The following CHST8 variants were observed in gnomAD, a reference collection of about 807,000 sequenced individuals.
CHST8 encodes the protein carbohydrate sulfotransferase 8.
A neutral mutation model predicts 15.0 loss-of-function variants in CHST8; 10 were observed. That is an observed-to-expected ratio of 0.67 (90% CI 0.41 to 1.13). The LOEUF is 1.13. Among genes scored for constraint, CHST8 ranks in the 50% most tolerant of loss-of-function variants. The pLI is 0.00. For synonymous variants in CHST8, 259 were observed against 256.6 expected, an observed-to-expected ratio of 1.01 and a Z score of -0.09; for missense variants, 634 against 608.2, an observed-to-expected ratio of 1.04 and a Z score of -0.45.
At chr19:33,688,991 A>G (rs1973041440) in intron 2 of CHST8, among the ~76,000 whole-genome samples, 185 bp from the exon 3 acceptor site, 1 of 152,162 alleles carries the variant, frequency 6.6e-6, no homozygotes, top group South Asian at 2.1e-4. Flanking sequence ...CTAGCATTCC[A>G]GCCACAGGTG....
chr19:33,674,862 T>G (rs1468349870), intron 2 of CHST8, among the ~76,000 whole-genome samples: 1 of 152,170 alleles, frequency 6.6e-6, no homozygotes, highest in Non-Finnish European at 1.5e-5. Context: ...AGGGTCATTC[T>G]CCCGTTGGCC....
intron 2 of CHST8, among the ~76,000 whole-genome samples, chr19:33,683,002 G>A (rs781564064): frequency 6.6e-5 from 10 of 152,310 alleles, no homozygotes; most frequent in South Asian, 2.1e-4. Context: ...GGAGGAGGCC[G>A]GTCACATGGC....
chr19:33,689,420 A>G, intron 3 of CHST8, 29 bp downstream of exon 3: 1 of 1,534,734 alleles, frequency 6.5e-7, no homozygotes, highest in South Asian at 1.2e-5. Context: ...TCCTGCCATC[A>G]CTGCCCCCAG....
At chr19:33,754,168 C>T (rs191774999) in intron 3 of CHST8, among the ~76,000 whole-genome samples, 13 of 145,420 alleles carry the variant, frequency 8.9e-5, no homozygotes, top group Non-Finnish European at 9.0e-5. Context: ...GTGCATCTCC[C>T]CATCATCAGT....
At chr19:33,711,970 A>T (rs1386583680) in intron 3 of CHST8, among the ~76,000 whole-genome samples, 2 of 152,230 alleles carry the variant, frequency 1.3e-5, no homozygotes, top group African/African-American at 4.8e-5. Flanking sequence ...TAATTTTGCC[A>T]GTGTGTAAGG....
At chr19:33,733,343 C>T (rs900975574) in intron 3 of CHST8, among the ~76,000 whole-genome samples, 1 of 150,662 alleles carries the variant, frequency 6.6e-6, no homozygotes, top group Non-Finnish European at 1.5e-5. Context: ...AAGCAATTCT[C>T]CTGCCTCAGC....
At chr19:33,708,922 T>C (rs2145290331) in intron 3 of CHST8, among the ~76,000 whole-genome samples, 1 of 152,346 alleles carries the variant, frequency 6.6e-6, no homozygotes, top group Non-Finnish European at 1.5e-5. Flanking sequence ...ATATTGTAGC[T>C]TTCAGTATAC....
intron 3 of CHST8, among the ~76,000 whole-genome samples, chr19:33,691,942 T>A (rs1973106186): frequency 6.6e-6 from 1 of 152,056 alleles, no homozygotes; most frequent in Non-Finnish European, 1.5e-5. Context: ...GCACAACAAA[T>A]GTAGAAAGGG....
At chr19:33,732,197 C>T (rs113549342) in intron 3 of CHST8, among the ~76,000 whole-genome samples, 5 of 152,152 alleles carry the variant, frequency 3.3e-5, no homozygotes, top group Admixed American at 6.5e-5. Flanking sequence ...CACATTTGGC[C>T]GTCACTCAGG....
rs539930748 is a variant in CHST8, at chr19:33,640,006, A to AT, written c.-164+17719dup. On this transcript the variant is annotated intron_variant, in intron 1 of 4. Transcript: ENST00000650847. The stretch of plus-strand genomic sequence containing the variant: ...AGGCATGCGCCACCATGCCTGGCTA[A>AT]TTTTTTTTTGTAGTTTTAGTAGAGA... 3.4e-3 allele frequency among the ~76,000 whole-genome samples: 519 copies of AT among 151,210 alleles called. 4 individuals carry two copies. The highest frequency in any genetic ancestry group is 0.011 in the African/African-American group (466 of 41,248).
At chr19:33,722,177 GT>G (rs1185601030) in intron 3 of CHST8, among the ~76,000 whole-genome samples, 2 of 150,124 alleles carry the variant, frequency 1.3e-5, no homozygotes, top group African/African-American at 4.9e-5. Flanking sequence ...AGCTAGGTGG[GT>G]GGGTGGGCAG....
intron 1 of CHST8, among the ~76,000 whole-genome samples, chr19:33,632,015 G>T (rs1159986863): frequency 1.3e-5 from 2 of 152,200 alleles, no homozygotes; most frequent in African/African-American, 2.4e-5. Context: ...TTTATCTTGG[G>T]TGTCAGGAAG....
chr19:33,747,628 A>AT (rs528594459), intron 3 of CHST8, among the ~76,000 whole-genome samples: 1 of 152,088 alleles, frequency 6.6e-6, no homozygotes, highest in Non-Finnish European at 1.5e-5. Context: ...CTGTGAAGTG[A>AT]TTACCCCGGC....
chr19:33,704,582 T>A (rs1454634165), intron 3 of CHST8, among the ~76,000 whole-genome samples: 1 of 152,178 alleles, frequency 6.6e-6, no homozygotes, highest in African/African-American at 2.4e-5. Flanking sequence ...GGTGGCCAGG[T>A]CATCCTTTTT....
chr19:33,662,551 C>G (rs1299564227), intron 1 of CHST8, among the ~76,000 whole-genome samples: 1 of 152,184 alleles, frequency 6.6e-6, no homozygotes, highest in Admixed American at 6.5e-5. Context: ...ACTGTCTTTG[C>G]CCCACGGGGA....
intron 2 of CHST8, among the ~76,000 whole-genome samples, chr19:33,687,892 C>A (rs1409089533): frequency 1.3e-5 from 2 of 152,130 alleles, no homozygotes; most frequent in African/African-American, 2.4e-5. Context: ...GTCCTTGGGC[C>A]GAGCAGCATA....
intron 3 of CHST8, among the ~76,000 whole-genome samples, chr19:33,703,260 C>G (rs1973380083): frequency 6.6e-6 from 1 of 152,170 alleles, no homozygotes; most frequent in Non-Finnish European, 1.5e-5. Flanking sequence ...TGGGTTGAAA[C>G]GGGGCACACC....
rs1974447111 is a variant in CHST8 at position 33,752,828 on chromosome 19, T to C, written c.131-18585T>C. Among the ~76,000 whole-genome samples, 3 of 152,234 alleles carry C rather than the reference T, an allele frequency of 2.0e-5. No individual in the cohort carries two copies. The South Asian group carries it at 6.2e-4, about 32-fold the overall frequency. On this transcript the variant is annotated intron_variant, in intron 3 of 4. Transcript: ENST00000650847. ...TTTTGCTTCTGAAGTTGAAATACGTTACCATTATTCCTTATCTGCCTGGAA... is the reference window on the plus strand; with the variant it reads ...TTTTGCTTCTGAAGTTGAAATACGTCACCATTATTCCTTATCTGCCTGGAA...
chr19:33,698,282 T>C (rs969523370), intron 3 of CHST8, among the ~76,000 whole-genome samples: 6 of 151,542 alleles, frequency 4.0e-5, no homozygotes, highest in Admixed American at 3.3e-4. Context: ...TACAATCCTT[T>C]ATCCAGTGAG....
Sources: gnomAD v4.1 joint callset for allele counts (sites outside exome capture counted in the v4.1 genomes callset) on GRCh38, gnomAD v4.1.1 for gene constraint, MANE v1.5 for transcripts, NCBI Gene and HGNC (gene_info 2026-07-23, HGNC 2026-07-21) for gene names.